ADAMTS2: variants seen among roughly 807,000 people sequenced by gnomAD.
The protein encoded by ADAMTS2 is A disintegrin and metalloproteinase with thrombospondin motifs 2.
A neutral mutation model predicts 123.0 loss-of-function variants in ADAMTS2; 50 were observed. The observed-to-expected ratio is 0.41, with a 90% CI of 0.32 to 0.51. The LOEUF is 0.51. Among genes scored for constraint, ADAMTS2 ranks in the 20% least tolerant of loss-of-function variants. ADAMTS2 has a pLI of 0.35. For synonymous variants in ADAMTS2, 678 were observed against 695.4 expected, an observed-to-expected ratio of 0.98 and a Z score of 0.39; for missense variants, 1,494 against 1,705.2, an observed-to-expected ratio of 0.88 and a Z score of 2.18.
intron 2 of ADAMTS2, among the ~76,000 whole-genome samples, chr5:179,278,883 G>C (rs951299215): frequency 6.6e-6 from 1 of 151,394 alleles, no homozygotes; most frequent in Non-Finnish European, 1.5e-5. Flanking sequence ...CAGTTGGATT[G>C]ATGGTAAAGT....
intron 2 of ADAMTS2, among the ~76,000 whole-genome samples, chr5:179,283,945 G>GATTATTATTATT (rs756134923): frequency 1.1e-4 from 13 of 120,532 alleles, no homozygotes; most frequent in African/African-American, 2.4e-4. Flanking sequence ...ATGGTCAGAT[G>GATTATTATTATT]ATTATTATTA....
At position 179,207,545 on chromosome 5, in the gene ADAMTS2, C is replaced by T. The variant is rs148737005; in HGVS notation, c.859G>A (p.Val287Ile). The change falls in exon 4 of 22, where the codon GTA becomes ATA. Residue 287 changes from valine to isoleucine, a missense_variant. This residue lies in a region of ADAMTS2 where 184 missense variants were observed against 152.1 expected (regional missense o/e 1.21). Coordinates refer to ENST00000251582, the MANE Select transcript of ADAMTS2 (RefSeq NM_014244.5). ...SVVQFHGKEH[V>I]QKYLLTLMNI... ...ATGAGTGTCAGCAGGTACTTCTGTACGTGCTCCTTCCCGTGGAACTGCACC... is the reference window on the plus strand; with the variant it reads ...ATGAGTGTCAGCAGGTACTTCTGTATGTGCTCCTTCCCGTGGAACTGCACC... 75 of 1,462,008 alleles carry T rather than the reference C, an allele frequency of 5.1e-5. No homozygotes were observed. The highest frequency in any genetic ancestry group is 2.0e-4 in the South Asian group (18 of 89,198). 90.6% of individuals were successfully genotyped at this position (1,462,008 alleles called of 1,614,324 possible).
chr5:179,234,435 C>T lies in ADAMTS2; in HGVS notation c.689-26720G>A, dbSNP rs1351625533. ...TAGGACTGGGCTTCCGTGTGCAGGGCTTCACCCTCGCTCTCCTCTCTGCCT... is the reference window on the plus strand; with the variant it reads ...TAGGACTGGGCTTCCGTGTGCAGGGTTTCACCCTCGCTCTCCTCTCTGCCT... On this transcript the variant is annotated intron_variant, in intron 3 of 21. Transcript: ENST00000251582. This position sits in a 1 kb window ranked among gnomAD's most constrained non-coding sequence, Gnocchi z 4.7. Among the ~76,000 whole-genome samples the T allele has an allele frequency of 2.6e-5, 4 of 152,062 alleles. No homozygotes were observed. Among genetic ancestry groups the T allele is most frequent in the African/African-American group, 4.8e-5 (2 of 41,384 alleles).
At chr5:179,182,604 G>A (rs990862855) in intron 4 of ADAMTS2, among the ~76,000 whole-genome samples, 3 of 152,182 alleles carry the variant, frequency 2.0e-5, no homozygotes, top group East Asian at 1.9e-4. Flanking sequence ...AGATGGCACC[G>A]ATCGTGGGGC....
At chr5:179,267,379 C>T (rs1259063872) in intron 3 of ADAMTS2, among the ~76,000 whole-genome samples, 5 of 152,238 alleles carry the variant, frequency 3.3e-5, no homozygotes, top group East Asian at 1.9e-4. Flanking sequence ...TGGCGTGCCT[C>T]GTCTGCCCGT....
At chr5:179,199,071 T>C (rs1764499562) in intron 4 of ADAMTS2, among the ~76,000 whole-genome samples, 1 of 152,066 alleles carries the variant, frequency 6.6e-6, no homozygotes, top group East Asian at 1.9e-4. Flanking sequence ...CCTCAGGCTA[T>C]GGGGTCTGAG....
rs1319275737 is a variant in ADAMTS2, at chr5:179,308,988, T to C, written c.534+34779A>G. Among the ~76,000 whole-genome samples, 1 of 152,198 alleles carries C rather than the reference T, an allele frequency of 6.6e-6. No homozygotes were observed. The highest frequency in any genetic ancestry group is 1.5e-5 in the Non-Finnish European group (1 of 68,024). ...GTCCAGGGAAAGATACGAAGAGGGC[T>C]GAGGCGGGCGTTCCTGCCCTTGGGT... On this transcript the variant is annotated intron_variant, in intron 2 of 21. Coordinates refer to ENST00000251582, the MANE Select transcript of ADAMTS2 (RefSeq NM_014244.5). The surrounding 1 kb of genome is among the most constrained non-coding windows in gnomAD (Gnocchi z 6.6).
At chr5:179,125,872 G>T in intron 18 of ADAMTS2, 126 bp downstream of exon 18, 2 of 1,376,134 alleles carry the variant, frequency 1.5e-6, no homozygotes, top group Admixed American at 2.0e-5. Context: ...CATGAAATGT[G>T]GTGAGAGAGA....
At chr5:179,277,369 C>G (rs1486357461) in intron 2 of ADAMTS2, among the ~76,000 whole-genome samples, 1 of 9,930 alleles carries the variant, frequency 1.0e-4, no homozygotes, top group African/African-American at 4.3e-4. Flanking sequence ...CTGACACCCC[C>G]CGAGACCAAA....
At position 179,175,779 on chromosome 5, in the gene ADAMTS2, C is replaced by G. The variant is rs548348950; in HGVS notation, c.975+5293G>C. 9.2e-5 allele frequency among the ~76,000 whole-genome samples: 14 copies of G among 152,208 alleles called. No individual in the cohort carries two copies. The highest frequency in any genetic ancestry group is 1.9e-4 in the Non-Finnish European group (13 of 68,050). On this transcript the variant is annotated intron_variant, in intron 5 of 21. Coordinates refer to ENST00000251582, the MANE Select transcript of ADAMTS2 (RefSeq NM_014244.5). The surrounding 1 kb of genome is among the most constrained non-coding windows in gnomAD (Gnocchi z 4.1). ...TCCAATACTAGTTTCATGTCACATA[C>G]AAGTATCTAGGATTTTCAGAACCAC...
chr5:179,128,187 A>G lies in ADAMTS2; in HGVS notation c.2458-69T>C, dbSNP rs2113196353. ...TGCTTCCTCCCCAGCCAGCTTAGGA[A>G]CGGCAGCTGAGGCCGACTCCAGAGG... On this transcript the variant is annotated intron_variant, in intron 16 of 21. Coordinates refer to ENST00000251582, the MANE Select transcript of ADAMTS2 (RefSeq NM_014244.5). The surrounding 1 kb of genome is among the most constrained non-coding windows in gnomAD (Gnocchi z 4.9). 2 of 1,594,302 alleles carry G rather than the reference A, an allele frequency of 1.3e-6. No individual in the cohort carries two copies. Among genetic ancestry groups the G allele is most frequent in the Admixed American group, 3.4e-5 (2 of 59,140 alleles).
intron 3 of ADAMTS2, among the ~76,000 whole-genome samples, chr5:179,258,842 C>A (rs972169489): frequency 6.6e-6 from 1 of 152,112 alleles, no homozygotes; most frequent in Admixed American, 6.5e-5. Flanking sequence ...AATGGGAATA[C>A]GGTTCTGCCA....
intron 21 of ADAMTS2, among the ~76,000 whole-genome samples, chr5:179,116,762 G>T (rs1305770155): frequency 6.6e-6 from 1 of 152,236 alleles, no homozygotes; most frequent in South Asian, 2.1e-4. Context: ...GGAGGCCCAT[G>T]CATCAGAGGG....
intron 2 of ADAMTS2, among the ~76,000 whole-genome samples, chr5:179,300,447 AGTT>A (rs1259955999): frequency 6.6e-6 from 1 of 152,218 alleles, no homozygotes; most frequent in Non-Finnish European, 1.5e-5. Flanking sequence ...ATGTTTTGTC[AGTT>A]GTTGTGAATA....
chr5:179,333,532 G>T (rs920221989), intron 2 of ADAMTS2, among the ~76,000 whole-genome samples: 2 of 151,866 alleles, frequency 1.3e-5, no homozygotes, highest in Non-Finnish European at 2.9e-5. Context: ...TCAGTGGGCA[G>T]GCAGAGAGAT....
At chr5:179,266,928 C>T (rs1035991986) in intron 3 of ADAMTS2, among the ~76,000 whole-genome samples, 12 of 152,222 alleles carry the variant, frequency 7.9e-5, no homozygotes, top group Non-Finnish European at 1.8e-4. Flanking sequence ...CAGCCTCCCC[C>T]ACCAGCCTCC....
chr5:179,233,102 T>C (rs1765447789), intron 3 of ADAMTS2, among the ~76,000 whole-genome samples: 1 of 152,226 alleles, frequency 6.6e-6, no homozygotes, highest in South Asian at 2.1e-4. Context: ...ATCACCACTG[T>C]TTACTGGGAG....
intron 2 of ADAMTS2, among the ~76,000 whole-genome samples, chr5:179,335,382 T>C (rs1430388799): frequency 2.0e-5 from 3 of 152,230 alleles, no homozygotes; most frequent in Non-Finnish European, 4.4e-5. Flanking sequence ...GTATATTTTA[T>C]ACTCAGGGTA....
chr5:179,288,694 A>T (rs1756098332), intron 2 of ADAMTS2, among the ~76,000 whole-genome samples: 1 of 152,182 alleles, frequency 6.6e-6, no homozygotes, highest in Non-Finnish European at 1.5e-5. Flanking sequence ...GCCAGCAATG[A>T]CCAAAGGCGC....
Sources: allele counts gnomAD v4.1 joint callset (sites outside exome capture counted in the v4.1 genomes callset), GRCh38; gene constraint gnomAD v4.1.1; regional missense constraint gnomAD v4.1.1; non-coding constraint Gnocchi (gnomAD v3.1); transcripts MANE v1.5; gene names NCBI Gene and HGNC (gene_info 2026-07-23, HGNC 2026-07-21).